The following ANTXR1 variants were observed in gnomAD, a reference collection of about 807,000 sequenced individuals.
ANTXR1 encodes the protein anthrax toxin receptor 1.
In ANTXR1, 19 loss-of-function variants were observed where a neutral mutation model predicts 78.1. The ratio of observed to expected loss-of-function variants is 0.24; its 90% CI spans 0.17 to 0.36. The LOEUF is 0.36. Among genes scored for constraint, ANTXR1 ranks in the 10% least tolerant of loss-of-function variants. The probability of loss-of-function intolerance (pLI) is 1.00; values close to 1 mark genes in which losing one functional copy is unlikely to be tolerated. For synonymous variants in ANTXR1, 273 were observed against 260.5 expected, an observed-to-expected ratio of 1.05 and a Z score of -0.46; for missense variants, 518 against 718.6, an observed-to-expected ratio of 0.72 and a Z score of 3.19.
rs185247978 is a variant in ANTXR1, at chr2:69,176,734, T to C, written c.1090-5052T>C. Among the ~76,000 whole-genome samples, 47 of 152,368 alleles carry C rather than the reference T, an allele frequency of 3.1e-4. No homozygotes were observed. The East Asian group carries it at 6.4e-3, about 21-fold the overall frequency. ...TCTTGTTGAGCTTATGCATTTAAGA[T>C]GTGCTCCAGTTCAATGACATTTAAA... On this transcript the variant is annotated intron_variant, in intron 14 of 17. Coordinates refer to ENST00000303714, the MANE Select transcript of ANTXR1 (RefSeq NM_032208.3).
chr2:69,038,693 G>A (rs1006787944), intron 1 of ANTXR1, among the ~76,000 whole-genome samples: 1 of 152,170 alleles, frequency 6.6e-6, no homozygotes, highest in Admixed American at 6.5e-5. Flanking sequence ...GACTATCACT[G>A]TAAAAGATGC....
intron 12 of ANTXR1, chr2:69,146,477 C>A: frequency 1.3e-6 from 1 of 765,822 alleles, no homozygotes; most frequent in Non-Finnish European, 1.6e-6. Context: ...TGTTTCTCCC[C>A]CTCTGGAATC....
chr2:69,077,361 A>G, intron 7 of ANTXR1, 47 bp from the exon 8 acceptor site: 3 of 1,610,210 alleles, frequency 1.9e-6, no homozygotes, highest in Non-Finnish European at 2.5e-6. Flanking sequence ...TTCCACATCC[A>G]AGCCTAACAG....
intron 14 of ANTXR1, among the ~76,000 whole-genome samples, chr2:69,177,650 C>G (rs1015678468): frequency 1.3e-5 from 2 of 152,204 alleles, no homozygotes; most frequent in Non-Finnish European, 2.9e-5. Context: ...CCACTGACTC[C>G]TACTCCTCGC....
At chr2:69,018,655 C>G (rs1167145223) in intron 1 of ANTXR1, among the ~76,000 whole-genome samples, 1 of 152,102 alleles carries the variant, frequency 6.6e-6, no homozygotes, top group Non-Finnish European at 1.5e-5. Flanking sequence ...ATAAGAAAAC[C>G]TTTGTTCAGT....
At chr2:69,123,357 C>T (rs1672417307) in intron 11 of ANTXR1, among the ~76,000 whole-genome samples, 1 of 152,234 alleles carries the variant, frequency 6.6e-6, no homozygotes, top group African/African-American at 2.4e-5. Flanking sequence ...CTTTAAATAG[C>T]TTGCCTAAGG....
intron 3 of ANTXR1, among the ~76,000 whole-genome samples, chr2:69,064,645 T>C (rs1281756874): frequency 6.6e-6 from 1 of 152,024 alleles, no homozygotes; most frequent in Non-Finnish European, 1.5e-5. Context: ...AGATTAAAAG[T>C]GAAAGAATGG....
intron 1 of ANTXR1, among the ~76,000 whole-genome samples, chr2:69,032,212 A>C (rs1671548441): frequency 6.6e-6 from 1 of 152,254 alleles, no homozygotes; most frequent in Non-Finnish European, 1.5e-5. Flanking sequence ...TAATGACATT[A>C]AGTGAAAAAA....
At chr2:69,164,389 T>G (rs13016276) in intron 13 of ANTXR1, among the ~76,000 whole-genome samples, 45,258 of 152,196 alleles carry the variant, frequency 0.3, 7,260 homozygotes, top group South Asian at 0.46. Context: ...TATTAAGTGC[T>G]TATTTGAGAG....
At chr2:69,142,717 G>A (rs12994942) in intron 12 of ANTXR1, among the ~76,000 whole-genome samples, 11,654 of 152,216 alleles carry the variant, frequency 0.077, 675 homozygotes, top group East Asian at 0.32. Context: ...AGCTAGCCAC[G>A]CAATGATAGT....
intron 10 of ANTXR1, among the ~76,000 whole-genome samples, chr2:69,113,430 T>A (rs1672051504): frequency 2.6e-5 from 4 of 152,222 alleles, no homozygotes; most frequent in African/African-American, 9.7e-5. Context: ...CTTTAAATAT[T>A]TGTTCAACAT....
chr2:69,163,697 G>A lies in ANTXR1; in HGVS notation c.1048-6551G>A, dbSNP rs185319871. On this transcript the variant is annotated intron_variant, in intron 13 of 17. Coordinates refer to ENST00000303714, the MANE Select transcript of ANTXR1 (RefSeq NM_032208.3). ...AGGAAAAGAACACGCATTCAGGAGCGCCATACATGCTGGACTTGCACAAGG... is the reference window on the plus strand; with the variant it reads ...AGGAAAAGAACACGCATTCAGGAGCACCATACATGCTGGACTTGCACAAGG... Among the ~76,000 whole-genome samples the A allele has an allele frequency of 2.6e-4, 39 of 152,280 alleles. No homozygotes were observed. In the East Asian group the frequency reaches 4.2e-3, roughly 17 times the overall value.
intron 17 of ANTXR1, among the ~76,000 whole-genome samples, chr2:69,201,933 T>C (rs750869643): frequency 5.9e-5 from 9 of 152,196 alleles, no homozygotes; most frequent in Non-Finnish European, 2.9e-5. Context: ...GGTTGCTCAC[T>C]GTCAGGGTTG....
intron 1 of ANTXR1, among the ~76,000 whole-genome samples, chr2:69,032,491 A>G (rs80007705): frequency 6.6e-6 from 1 of 151,862 alleles, no homozygotes; most frequent in African/African-American, 2.4e-5. Flanking sequence ...AACATCATCC[A>G]CAGCCACTCT....
chr2:69,091,445 C>CAAAAA (rs60795933), intron 9 of ANTXR1, among the ~76,000 whole-genome samples: 8 of 62,328 alleles, frequency 1.3e-4, no homozygotes, highest in Admixed American at 2.2e-4. Context: ...GACACCATCT[C>CAAAAA]AAAAAAAAAA....
intron 1 of ANTXR1, among the ~76,000 whole-genome samples, chr2:69,023,293 C>G (rs777007895): frequency 1.3e-5 from 2 of 149,760 alleles, no homozygotes; most frequent in African/African-American, 4.9e-5. Context: ...TGGAGGTGGA[C>G]GTGATGATAA....
At position 69,075,603 on chromosome 2, in the gene ANTXR1, G is replaced by A. The variant is rs1342829472; in HGVS notation, c.506G>A (p.Arg169Gln). 6 of 1,613,898 alleles carry A rather than the reference G, an allele frequency of 3.7e-6. No individual in the cohort carries two copies. Among genetic ancestry groups the A allele is most frequent in the South Asian group, 1.1e-5 (1 of 91,070 alleles). The stretch of plus-strand genomic sequence containing the variant: ...TCCTTTTCCCAGGCTAATAGGTCTC[G>A]AGATCTTGGTGCAATTGTTTACTGT... Reference protein sequence around the residue: ...FYSEREANRSRDLGAIVYCVG... With the variant: ...FYSEREANRSQDLGAIVYCVG... The change falls in exon 7 of 18, where the codon CGA becomes CAA. Residue 169 changes from arginine (R) to glutamine (Q), a missense_variant. Transcript: ENST00000303714.
At position 69,171,192 on chromosome 2, in the gene ANTXR1, A is replaced by C. The variant is rs771915134; in HGVS notation, c.1089+903A>C. Among the ~76,000 whole-genome samples, 286 of 152,242 alleles carry C rather than the reference A, an allele frequency of 1.9e-3. 4 individuals are homozygous for C. Among genetic ancestry groups the C allele is most frequent in the Non-Finnish European group, 8.2e-4 (56 of 68,046 alleles). On this transcript the variant is annotated intron_variant, in intron 14 of 17. Transcript: ENST00000303714. ...CCAATGCATTTGTCAAGTTTCCTAC[A>C]TACAGAAAGAGTAATGATTAAATTA...
chr2:69,156,530 A>G (rs1307808457), intron 13 of ANTXR1, among the ~76,000 whole-genome samples: 2 of 152,200 alleles, frequency 1.3e-5, no homozygotes, highest in Admixed American at 6.5e-5. Flanking sequence ...ATTTATAAAG[A>G]AAAGAGGTTC....
Sources: allele counts gnomAD v4.1 joint callset (sites outside exome capture counted in the v4.1 genomes callset), GRCh38; gene constraint gnomAD v4.1.1; transcripts MANE v1.5; gene names NCBI Gene and HGNC (gene_info 2026-07-23, HGNC 2026-07-21).